SNTG1: variants seen among roughly 807,000 people sequenced by gnomAD.
The protein encoded by SNTG1 is gamma-1-syntrophin.
A neutral mutation model predicts 74.7 loss-of-function variants in SNTG1; 39 were observed. The observed-to-expected ratio is 0.52, with a 90% CI of 0.40 to 0.68. The LOEUF (loss-of-function observed/expected upper bound fraction) is 0.68. Among genes scored for constraint, SNTG1 ranks in the 30% least tolerant of loss-of-function variants. SNTG1 has a pLI of 0.00. For synonymous variants in SNTG1, 254 were observed against 217.1 expected (o/e 1.17, Z -1.49); for missense variants, 685 against 609.5 (o/e 1.12, Z -1.30).
At chr8:49,994,734 CT>C (rs1402938364) in intron 1 of SNTG1, among the ~76,000 whole-genome samples, 2 of 151,758 alleles carry the variant, frequency 1.3e-5, no homozygotes, top group Non-Finnish European at 2.9e-5. Context: ...AAGAAACATC[CT>C]CATATAATGA....
At chr8:49,934,272 A>G (rs1190705660) in intron 1 of SNTG1, among the ~76,000 whole-genome samples, 2 of 145,314 alleles carry the variant, frequency 1.4e-5, no homozygotes, top group Admixed American at 7.1e-5. Context: ...GGTCATATAT[A>G]CTATATAGAT....
intron 1 of SNTG1, among the ~76,000 whole-genome samples, 175 bp downstream of exon 1, chr8:49,912,406 A>G (rs1805656922): frequency 6.6e-6 from 1 of 152,226 alleles, no homozygotes; most frequent in Non-Finnish European, 1.5e-5. Flanking sequence ...AAAATAACAT[A>G]CATGTTGCCT....
At chr8:50,558,492 T>G (rs2130660236) in intron 12 of SNTG1, among the ~76,000 whole-genome samples, 1 of 152,336 alleles carries the variant, frequency 6.6e-6, no homozygotes, top group Admixed American at 6.5e-5. Context: ...AACTCCTGTT[T>G]GCCATATTAA....
At chr8:50,704,298 C>T (rs2131528461) in intron 15 of SNTG1, among the ~76,000 whole-genome samples, 1 of 152,218 alleles carries the variant, frequency 6.6e-6, no homozygotes, top group East Asian at 1.9e-4. Flanking sequence ...TGTGTCACCC[C>T]TTTGTAGAGT....
intron 1 of SNTG1, among the ~76,000 whole-genome samples, chr8:50,150,549 T>C (rs537658832): frequency 6.6e-6 from 1 of 152,200 alleles, no homozygotes; most frequent in Non-Finnish European, 1.5e-5. Context: ...ATAGCTCTTA[T>C]TATTTTGAGA....
intron 1 of SNTG1, among the ~76,000 whole-genome samples, chr8:50,024,307 A>G (rs1179753028): frequency 6.6e-6 from 1 of 152,202 alleles, no homozygotes; most frequent in Non-Finnish European, 1.5e-5. Flanking sequence ...TTTGAGAACC[A>G]GAGTTTTAGG....
chr8:50,320,418 C>G (rs1413997087), intron 2 of SNTG1, among the ~76,000 whole-genome samples: 1 of 151,796 alleles, frequency 6.6e-6, no homozygotes, highest in African/African-American at 2.4e-5. Context: ...CATAGTTAGT[C>G]TGACTACAGA....
intron 17 of SNTG1, among the ~76,000 whole-genome samples, chr8:50,727,577 C>A (rs1049800140): frequency 1.3e-5 from 2 of 152,140 alleles, no homozygotes; most frequent in African/African-American, 4.8e-5. Context: ...TCTCACTGGT[C>A]CTTCTGTAGA....
intron 1 of SNTG1, among the ~76,000 whole-genome samples, chr8:50,048,303 A>G (rs1476509617): frequency 6.6e-6 from 1 of 152,136 alleles, no homozygotes; most frequent in East Asian, 1.9e-4. Flanking sequence ...AAAGAAAAAA[A>G]TAAAGTCATG....
intron 1 of SNTG1, among the ~76,000 whole-genome samples, chr8:50,141,312 A>G (rs1027264911): frequency 2.0e-5 from 3 of 152,148 alleles, no homozygotes; most frequent in African/African-American, 7.2e-5. Context: ...AACCTGTAAG[A>G]GCTTCAGCTC....
At chr8:49,964,058 G>A (rs989853436) in intron 1 of SNTG1, among the ~76,000 whole-genome samples, 11 of 152,150 alleles carry the variant, frequency 7.2e-5, no homozygotes, top group Admixed American at 4.6e-4. Context: ...TTTATAGTAG[G>A]CACTCAGTGT....
chr8:50,091,466 T>C (rs1321178566), intron 1 of SNTG1, among the ~76,000 whole-genome samples: 2 of 152,118 alleles, frequency 1.3e-5, no homozygotes, highest in East Asian at 1.9e-4. Flanking sequence ...CAATCCCTGG[T>C]TATCATCATT....
chr8:50,468,699 G>C (rs1394617745), intron 8 of SNTG1, among the ~76,000 whole-genome samples: 1 of 152,054 alleles, frequency 6.6e-6, no homozygotes, highest in Non-Finnish European at 1.5e-5. Flanking sequence ...TTGGTTCTTT[G>C]TTCCCCTCCC....
intron 8 of SNTG1, among the ~76,000 whole-genome samples, chr8:50,500,061 G>A (rs184844585): frequency 1.3e-5 from 2 of 151,496 alleles, no homozygotes; most frequent in African/African-American, 4.8e-5. Flanking sequence ...TTCTTTTGAG[G>A]TTTGTTAAGC....
intron 2 of SNTG1, among the ~76,000 whole-genome samples, chr8:50,366,370 G>A (rs1000974745): frequency 9.9e-5 from 15 of 152,056 alleles, no homozygotes; most frequent in African/African-American, 2.2e-4. Flanking sequence ...GTGCAGTTAC[G>A]TTTAAATTGG....
At chr8:50,488,824 A>T (rs925333941) in intron 8 of SNTG1, among the ~76,000 whole-genome samples, 5 of 152,164 alleles carry the variant, frequency 3.3e-5, no homozygotes, top group Admixed American at 1.3e-4. Flanking sequence ...AATGTGCAGA[A>T]CGCGCAGGTT....
chr8:50,329,265 C>T (rs1482619367), intron 2 of SNTG1, among the ~76,000 whole-genome samples: 6 of 152,084 alleles, frequency 3.9e-5, no homozygotes, highest in African/African-American at 4.8e-5. Flanking sequence ...GGACAGTGGC[C>T]CCCTTCTTAC....
At chr8:49,966,361 T>C (rs1397553488) in intron 1 of SNTG1, among the ~76,000 whole-genome samples, 14 of 152,090 alleles carry the variant, frequency 9.2e-5, no homozygotes, top group Non-Finnish European at 1.5e-4. Context: ...TTAAAAAAAG[T>C]CTATAGCTTA....
At chr8:50,595,987 T>C (rs1057502972) in intron 13 of SNTG1, among the ~76,000 whole-genome samples, 1 of 152,132 alleles carries the variant, frequency 6.6e-6, no homozygotes, top group Non-Finnish European at 1.5e-5. Flanking sequence ...TTGGGTAAAA[T>C]CCTAGTAGTG....
Sources: allele counts gnomAD v4.1 joint callset (sites outside exome capture counted in the v4.1 genomes callset), GRCh38; gene constraint gnomAD v4.1.1; transcripts MANE v1.5; gene names NCBI Gene and HGNC (gene_info 2026-07-23, HGNC 2026-07-21).